KLF12: variants seen among roughly 807,000 people sequenced by gnomAD.
KLF12 encodes KLF transcription factor 12.
KLF12 carries 9 observed loss-of-function variants against 37.8 expected under a neutral mutation model. That is an observed-to-expected ratio of 0.24 (90% confidence interval 0.14 to 0.42). KLF12 has a LOEUF of 0.42. Ranked by LOEUF, KLF12 falls within the 10% of genes least tolerant of loss-of-function variation. The pLI, the probability that KLF12 is intolerant of heterozygous loss-of-function variation, is 1.00. For synonymous variants in KLF12, 208 were observed against 202.1 expected, an observed-to-expected ratio of 1.03 and a Z score of -0.25; for missense variants, 411 against 516.0, an observed-to-expected ratio of 0.80 and a Z score of 1.97.
the KLF12 span, among the ~76,000 whole-genome samples, chr13:74,290,768 A>C: frequency 6.6e-6 from 1 of 152,240 alleles, no homozygotes; most frequent in Admixed American, 6.5e-5. Flanking sequence ...GAGAAGGCAG[A>C]GTATTTTAAA....
rs1874013913 is a variant in KLF12 at position 73,694,699 on chromosome 13, T to TA, written c.*790dup. 2.0e-5 allele frequency: 3 copies of TA among 152,686 alleles called. No individual in the cohort carries two copies. The highest frequency in any genetic ancestry group is 2.0e-4 in the Admixed American group (3 of 15,280). The allele number at this position is 152,686 out of a possible 1,614,324, so 9.5% of individuals were successfully genotyped here. A position where few individuals can be genotyped will look rare whatever the true frequency, so the allele number is the denominator to read the frequency against. On this transcript the variant is annotated 3_prime_UTR_variant, in exon 8 of 8. Coordinates refer to ENST00000377669, the MANE Select transcript of KLF12 (RefSeq NM_007249.5). ...AATTTGAAGTGGGGCAGTAGTTTTT[T>TA]AGACAGGCTCTTCCTATTCAACTAC...
intron 3 of KLF12, among the ~76,000 whole-genome samples, chr13:73,858,548 C>T (rs895784452): frequency 2.0e-5 from 3 of 152,166 alleles, no homozygotes; most frequent in Non-Finnish European, 4.4e-5. Context: ...TACCTATCAG[C>T]ATCTGGGTAT....
chr13:74,177,730 C>T, the KLF12 span, among the ~76,000 whole-genome samples: 137 of 152,002 alleles, frequency 9.0e-4, 2 homozygotes, highest in East Asian at 0.021. Flanking sequence ...ACAGTGGTGC[C>T]GATGGAGAAG....
At chr13:74,165,456 G>A in the KLF12 span, among the ~76,000 whole-genome samples, 1 of 151,804 alleles carries the variant, frequency 6.6e-6, no homozygotes, top group Non-Finnish European at 1.5e-5. Flanking sequence ...CTGCCACCAT[G>A]CCCAGCTAAT....
intron 2 of KLF12, among the ~76,000 whole-genome samples, chr13:73,970,756 C>T (rs1200222520): frequency 2.0e-5 from 3 of 152,182 alleles, no homozygotes; most frequent in Non-Finnish European, 4.4e-5. Context: ...CAGCAAAGCA[C>T]ATACTGGCAG....
chr13:73,978,843 G>C (rs1251715627), intron 2 of KLF12, among the ~76,000 whole-genome samples: 1 of 152,184 alleles, frequency 6.6e-6, no homozygotes, highest in Non-Finnish European at 1.5e-5. Flanking sequence ...AAAAGGAAAT[G>C]TGTGCTATCA....
chr13:73,758,473 G>T (rs1052049128), intron 6 of KLF12, among the ~76,000 whole-genome samples: 2 of 152,112 alleles, frequency 1.3e-5, no homozygotes, highest in African/African-American at 4.8e-5. Context: ...TAATTAGTTA[G>T]TATGACGGAG....
At chr13:73,749,862 T>G (rs1878626378) in intron 6 of KLF12, among the ~76,000 whole-genome samples, 1 of 152,226 alleles carries the variant, frequency 6.6e-6, no homozygotes, top group Non-Finnish European at 1.5e-5. Flanking sequence ...GTGACAATAC[T>G]GCAGAGGTAT....
chr13:74,147,473 G>T, the KLF12 span, among the ~76,000 whole-genome samples: 2 of 152,226 alleles, frequency 1.3e-5, no homozygotes, highest in Non-Finnish European at 2.9e-5. Flanking sequence ...GAATCTGGGA[G>T]ACTGGGCCAC....
Position 73,764,927 on chromosome 13 carries a change from T to A in KLF12, c.869+11A>T, listed in dbSNP as rs1479251506. Reference sequence around the variant, plus strand: ...AGACCTACAAATACTCATATTAGACTGTATACTCACCAAGGAAACTTTTGA... The same window carrying A: ...AGACCTACAAATACTCATATTAGACAGTATACTCACCAAGGAAACTTTTGA... On this transcript the variant is annotated intron_variant, in intron 6 of 7. Transcript: ENST00000377669. The A allele has an allele frequency of 1.4e-6, 2 of 1,478,904 alleles. No homozygotes were observed. The highest frequency in any genetic ancestry group is 3.4e-5 in the Admixed American group (2 of 58,628). 91.6% of individuals were successfully genotyped at this position (1,478,904 alleles called of 1,614,324 possible).
At chr13:73,908,517 G>A (rs150108716) in intron 3 of KLF12, among the ~76,000 whole-genome samples, 34 of 148,288 alleles carry the variant, frequency 2.3e-4, no homozygotes, top group Middle Eastern at 7.0e-3. Flanking sequence ...GTTTCGCTCC[G>A]TTGCCCAGGC....
chr13:74,276,119 C>T, the KLF12 span, among the ~76,000 whole-genome samples: 1 of 151,706 alleles, frequency 6.6e-6, no homozygotes, highest in South Asian at 2.1e-4. Context: ...CTAATGCTCT[C>T]CCTCCCCTTG....
At chr13:74,159,713 A>T in the KLF12 span, among the ~76,000 whole-genome samples, 1 of 152,072 alleles carries the variant, frequency 6.6e-6, no homozygotes, top group Non-Finnish European at 1.5e-5. Flanking sequence ...TCAGGTAGAC[A>T]TTTCTATCAA....
chr13:74,291,528 C>A, the KLF12 span, among the ~76,000 whole-genome samples: 1 of 152,028 alleles, frequency 6.6e-6, no homozygotes, highest in Non-Finnish European at 1.5e-5. Context: ...TGTCAGTTGG[C>A]GAAGCAGAAC....
At chr13:73,830,817 G>A (rs1286164081) in intron 4 of KLF12, among the ~76,000 whole-genome samples, 11 of 152,088 alleles carry the variant, frequency 7.2e-5, no homozygotes, top group Admixed American at 2.0e-4. Context: ...CATGGATGTC[G>A]ATCTCTGAAA....
At chr13:74,061,556 A>C (rs1319152317) in intron 1 of KLF12, among the ~76,000 whole-genome samples, 1 of 152,176 alleles carries the variant, frequency 6.6e-6, no homozygotes, top group Non-Finnish European at 1.5e-5. Flanking sequence ...AGATAAAAAA[A>C]ACACTCTGGG....
At position 73,924,499 on chromosome 13, in the gene KLF12, A is replaced by G. The variant is rs111841020; in HGVS notation, c.123+19482T>C. 2.2e-3 allele frequency among the ~76,000 whole-genome samples: 342 copies of G among 152,242 alleles called. 2 individuals are homozygous for G. Among genetic ancestry groups the G allele is most frequent in the African/African-American group, 7.6e-3 (316 of 41,546 alleles). On this transcript the variant is annotated intron_variant, in intron 3 of 7. Transcript: ENST00000377669. The stretch of plus-strand genomic sequence containing the variant: ...GGGGTGCCATGAACCCTGCCCATAG[A>G]AGACTATGAACTTAATAAATGTGTG...
At chr13:73,995,963 C>T (rs955897708) in intron 1 of KLF12, among the ~76,000 whole-genome samples, 1 of 152,170 alleles carries the variant, frequency 6.6e-6, no homozygotes, top group Non-Finnish European at 1.5e-5. Flanking sequence ...GAGTTCTCAG[C>T]AGCGCCCATT....
At chr13:73,779,442 TTGG>T (rs1880826387) in intron 5 of KLF12, among the ~76,000 whole-genome samples, 1 of 152,106 alleles carries the variant, frequency 6.6e-6, no homozygotes, top group South Asian at 2.1e-4. Flanking sequence ...AGCTGTCAGG[TTGG>T]TGAATACATC....
Sources: gnomAD v4.1 joint callset for allele counts (sites outside exome capture counted in the v4.1 genomes callset) on GRCh38, gnomAD v4.1.1 for gene constraint, MANE v1.5 for transcripts, NCBI Gene and HGNC (gene_info 2026-07-23, HGNC 2026-07-21) for gene names.